Variants in PDZD2 observed in about 807,000 individuals in gnomAD.
PDZD2 encodes the protein PDZ domain containing 2.
In PDZD2, 90 loss-of-function variants were observed where a neutral mutation model predicts 220.7. That is an observed-to-expected ratio of 0.41 (90% CI 0.34 to 0.49). The LOEUF is 0.49. PDZD2 is among the 20% of genes least tolerant of loss of function. The pLI is 0.28. For missense variants in PDZD2, 3,174 were observed against 3,608.5 expected, an observed-to-expected ratio of 0.88 and a Z score of 3.08; for synonymous variants, 1,375 against 1,450.5, an observed-to-expected ratio of 0.95 and a Z score of 1.18.
At chr5:32,032,773 T>C (rs1034749069) in intron 6 of PDZD2, among the ~76,000 whole-genome samples, 1 of 152,198 alleles carries the variant, frequency 6.6e-6, no homozygotes, top group Non-Finnish European at 1.5e-5. Context: ...ATTTTTCAGA[T>C]GAGGACACTG....
rs188259093 is a variant in PDZD2 at position 32,040,094 on chromosome 5, C to T, written c.1519+2752C>T. ...GGAGATGAGGAGCGCTTCTGCCCTG[C>T]CACCCCATCTGGGAAATGAGGAGCA... On this transcript the variant is annotated intron_variant, in intron 7 of 24. Transcript: ENST00000438447. 3.0e-4 allele frequency among the ~76,000 whole-genome samples: 45 copies of T among 148,316 alleles called. No homozygotes were observed. In the East Asian group the frequency reaches 8.9e-3, roughly 29 times the overall value.
At chr5:31,843,016 C>T (rs537163629) in intron 2 of PDZD2, among the ~76,000 whole-genome samples, 2 of 151,234 alleles carry the variant, frequency 1.3e-5, no homozygotes, top group African/African-American at 4.9e-5. Context: ...CGAGTAGCTG[C>T]GATTACAGGC....
intron 2 of PDZD2, among the ~76,000 whole-genome samples, chr5:31,883,053 CA>C (rs1384010249): frequency 1.4e-5 from 2 of 141,042 alleles, no homozygotes; most frequent in Admixed American, 1.4e-4. Context: ...AAAAAAGGCC[CA>C]GGGGGCATAA....
chr5:32,049,160 A>AG (rs1270132569), intron 8 of PDZD2, among the ~76,000 whole-genome samples: 1 of 152,078 alleles, frequency 6.6e-6, no homozygotes, highest in African/African-American at 2.4e-5. Context: ...GGGGCTGTAG[A>AG]GGGGGGCTGC....
At chr5:31,879,618 GGTGTTTC>G (rs2150334355) in intron 2 of PDZD2, among the ~76,000 whole-genome samples, 1 of 152,160 alleles carries the variant, frequency 6.6e-6, no homozygotes, top group South Asian at 2.1e-4. Context: ...TCCGCTGGTT[GGTGTTTC>G]GTGCCTACAT....
In PDZD2 at chr5:32,061,152, C is replaced by T. The variant is rs1163873732; in HGVS notation, c.2451+18C>T. 6.2e-7 allele frequency: 1 copy of T among 1,613,332 alleles called. No homozygotes were observed. On this transcript the variant is annotated intron_variant, in intron 14 of 24. Coordinates refer to ENST00000438447, the MANE Select transcript of PDZD2 (RefSeq NM_178140.4). ...ATCCAAAGGTGAGGTGGTCCACCCT[C>T]TTCTGAACGTGGGAAGATGATACAC... is the stretch of plus-strand genomic sequence containing the variant.
intron 2 of PDZD2, chr5:31,908,799 C>G (rs1742921603): frequency 4.3e-6 from 3 of 692,552 alleles, no homozygotes. Flanking sequence ...AATCCCAGCA[C>G]TTTGGGAGGC....
At chr5:31,885,011 G>A (rs964956393) in intron 2 of PDZD2, among the ~76,000 whole-genome samples, 4 of 152,018 alleles carry the variant, frequency 2.6e-5, no homozygotes, top group African/African-American at 9.7e-5. Flanking sequence ...AAGTTTTAAA[G>A]TGATAGACCA....
chr5:31,686,230 A>C (rs1317376919), intron 1 of PDZD2, among the ~76,000 whole-genome samples: 2 of 152,182 alleles, frequency 1.3e-5, no homozygotes, highest in Admixed American at 6.5e-5. Context: ...TCTCAAAAAA[A>C]AAAATAGCCA....
At chr5:31,711,657 C>T (rs1748111535) in intron 1 of PDZD2, among the ~76,000 whole-genome samples, 3 of 152,156 alleles carry the variant, frequency 2.0e-5, no homozygotes, top group Admixed American at 6.6e-5. Context: ...CACGCTTCAT[C>T]GACAAGCCTC....
intron 20 of PDZD2, among the ~76,000 whole-genome samples, chr5:32,091,891 C>T (rs1743190106): frequency 6.6e-6 from 1 of 152,136 alleles, no homozygotes; most frequent in South Asian, 2.1e-4. Flanking sequence ...ATGAGAGGGG[C>T]ATGCAGAGGA....
intron 2 of PDZD2, among the ~76,000 whole-genome samples, chr5:31,893,900 T>A (rs1306681097): frequency 3.3e-5 from 5 of 151,820 alleles, no homozygotes; most frequent in Non-Finnish European, 7.4e-5. Context: ...TATTTATTTA[T>A]TTATTTATTT....
intron 2 of PDZD2, among the ~76,000 whole-genome samples, chr5:31,924,903 G>A (rs1003601010): frequency 3.3e-5 from 5 of 152,182 alleles, no homozygotes; most frequent in African/African-American, 7.2e-5. Context: ...TGGAGCCTGT[G>A]CCTGAGGGTC....
intron 6 of PDZD2, chr5:32,010,792 T>TC (rs1466979326): frequency 1.5e-5 from 6 of 394,140 alleles, no homozygotes; most frequent in Non-Finnish European, 2.9e-5. Context: ...GGTCAGGAGT[T>TC]CAAGACCAGC....
At chr5:31,933,106 T>G (rs1481479548) in intron 2 of PDZD2, among the ~76,000 whole-genome samples, 1 of 152,126 alleles carries the variant, frequency 6.6e-6, no homozygotes, top group Non-Finnish European at 1.5e-5. Flanking sequence ...AGACGGGGTT[T>G]CACCATGTTG....
intron 1 of PDZD2, among the ~76,000 whole-genome samples, chr5:31,783,018 C>G (rs375848562): frequency 6.6e-6 from 1 of 152,004 alleles, no homozygotes; most frequent in Non-Finnish European, 1.5e-5. Context: ...CTGGCCACCA[C>G]TTTAAATTTT....
intron 2 of PDZD2, among the ~76,000 whole-genome samples, chr5:31,837,817 G>C (rs1397840730): frequency 6.6e-6 from 1 of 152,168 alleles, no homozygotes; most frequent in Non-Finnish European, 1.5e-5. Flanking sequence ...AGCCCAATAG[G>C]TAGAGGCTGC....
intron 19 of PDZD2, among the ~76,000 whole-genome samples, chr5:32,084,680 C>T (rs941186650): frequency 1.3e-5 from 2 of 152,206 alleles, no homozygotes; most frequent in African/African-American, 2.4e-5. Flanking sequence ...TCATTTTTCA[C>T]TCCAACCTCA....
intron 2 of PDZD2, among the ~76,000 whole-genome samples, chr5:31,872,943 A>G (rs1467243792): frequency 1.3e-5 from 2 of 152,178 alleles, no homozygotes; most frequent in African/African-American, 4.8e-5. Context: ...GAGATGATTG[A>G]TAGTAATGGT....
Sources: allele counts gnomAD v4.1 joint callset (sites outside exome capture counted in the v4.1 genomes callset), GRCh38; gene constraint gnomAD v4.1.1; transcripts MANE v1.5; gene names NCBI Gene and HGNC (gene_info 2026-07-23, HGNC 2026-07-21).